Variants in EXOC4 observed in about 807,000 individuals in gnomAD.
EXOC4 encodes exocyst complex component 4.
Under a neutral mutation model 107.2 loss-of-function variants are expected in EXOC4, and 71 were observed. That is an observed-to-expected ratio of 0.66 (90% CI 0.55 to 0.81). The LOEUF (loss-of-function observed/expected upper bound fraction) is 0.81. Ranked by LOEUF, EXOC4 falls within the 30% of genes least tolerant of loss-of-function variation. The probability of loss-of-function intolerance (pLI) is 0.00; values close to 1 mark genes in which losing one functional copy is unlikely to be tolerated. For missense variants in EXOC4, 1,108 were observed against 1,189.6 expected, an observed-to-expected ratio of 0.93 and a Z score of 1.01; for synonymous variants, 456 against 441.2, an observed-to-expected ratio of 1.03 and a Z score of -0.42.
At chr7:133,368,043 AC>A (rs1198036147) in intron 6 of EXOC4, among the ~76,000 whole-genome samples, 2 of 151,946 alleles carry the variant, frequency 1.3e-5, no homozygotes, top group African/African-American at 4.8e-5. Flanking sequence ...TCATTCTTTT[AC>A]TCATGAACTC....
intron 14 of EXOC4, among the ~76,000 whole-genome samples, chr7:133,945,406 G>A (rs1800526803): frequency 6.6e-6 from 1 of 152,186 alleles, no homozygotes; most frequent in African/African-American, 2.4e-5. Flanking sequence ...TGGAGCTTGA[G>A]ATTAACGTGA....
chr7:133,941,258 A>G (rs575631910), intron 14 of EXOC4, among the ~76,000 whole-genome samples: 6 of 152,094 alleles, frequency 3.9e-5, no homozygotes, highest in African/African-American at 1.2e-4. Context: ...CGGCCTCCCA[A>G]AGTGCTGGGA....
At chr7:133,591,567 T>C (rs759834413) in intron 9 of EXOC4, among the ~76,000 whole-genome samples, 56 of 13,102 alleles carry the variant, frequency 4.3e-3, no homozygotes, top group African/African-American at 5.7e-3. Flanking sequence ...TGTGTGTGTG[T>C]GCGTGTGTGT....
intron 12 of EXOC4, 137 bp from the exon 13 acceptor site, chr7:133,917,446 C>G (rs1799834394): frequency 2.5e-6 from 2 of 787,614 alleles, no homozygotes; most frequent in Non-Finnish European, 4.0e-6. Context: ...GTATCATGGA[C>G]TCCAACTTAG....
chr7:133,484,310 CTTCAAAAT>C, intron 9 of EXOC4: 1 of 708,632 alleles, frequency 1.4e-6, no homozygotes, highest in Non-Finnish European at 2.1e-6. Context: ...GTGGGTGCTG[CTTCAAAAT>C]GTGTGAGATA....
chr7:133,706,717 G>A (rs1235012214), intron 10 of EXOC4, among the ~76,000 whole-genome samples: 1 of 152,010 alleles, frequency 6.6e-6, no homozygotes, highest in East Asian at 1.9e-4. Context: ...TTTATACTTA[G>A]AGCACACCTC....
intron 5 of EXOC4, among the ~76,000 whole-genome samples, chr7:133,338,579 G>C (rs1478381957): frequency 8.9e-6 from 1 of 112,234 alleles, no homozygotes; most frequent in East Asian, 2.9e-4. Context: ...CGACCTGGGC[G>C]CCAGAGCGAG....
chr7:133,396,385 A>T (rs1204132646), intron 7 of EXOC4: 2 of 152,190 alleles, frequency 1.3e-5, no homozygotes, highest in Non-Finnish European at 2.9e-5. Context: ...TTCCGTTCAG[A>T]TGATGACACT....
At chr7:133,722,297 T>C (rs1795121660) in intron 10 of EXOC4, among the ~76,000 whole-genome samples, 2 of 152,330 alleles carry the variant, frequency 1.3e-5, no homozygotes, top group South Asian at 2.1e-4. Context: ...AAAACTGGTA[T>C]CTCTGGCCAC....
chr7:133,955,870 T>C (rs1224654057), intron 14 of EXOC4, among the ~76,000 whole-genome samples: 2 of 152,256 alleles, frequency 1.3e-5, no homozygotes, highest in African/African-American at 4.8e-5. Context: ...AACTTTGCTC[T>C]GAGATCAGAG....
At chr7:134,029,937 A>T (rs1285349718) in intron 17 of EXOC4, among the ~76,000 whole-genome samples, 1 of 152,220 alleles carries the variant, frequency 6.6e-6, no homozygotes, top group Non-Finnish European at 1.5e-5. Context: ...CAAGCATATG[A>T]TTTAAACTGT....
intron 7 of EXOC4, among the ~76,000 whole-genome samples, chr7:133,466,239 G>GA (rs1187760460): frequency 1.3e-5 from 2 of 151,478 alleles, no homozygotes; most frequent in African/African-American, 2.4e-5. Context: ...ATAACTGTAG[G>GA]AAAAAAAAGT....
chr7:134,034,455 G>A (rs576971748), intron 17 of EXOC4, among the ~76,000 whole-genome samples: 2 of 152,330 alleles, frequency 1.3e-5, no homozygotes, highest in Admixed American at 1.3e-4. Context: ...ATCTGTACAT[G>A]TCAAGGGAGA....
intron 8 of EXOC4, among the ~76,000 whole-genome samples, chr7:133,477,356 A>C (rs973915454): frequency 6.6e-6 from 1 of 152,074 alleles, no homozygotes; most frequent in African/African-American, 2.4e-5. Flanking sequence ...TGATCTTTTG[A>C]CTATCTCCAT....
In EXOC4 at chr7:133,773,731, C is replaced by T. The variant is rs188906710; in HGVS notation, c.1515-43594C>T. On this transcript the variant is annotated intron_variant, in intron 10 of 17. Transcript: ENST00000253861. ...ACTTCTTTCCTTGCACTTATGTACT[C>T]ATTCATGCACAAAGCTATCCAGCAC... Among the ~76,000 whole-genome samples the T allele has an allele frequency of 1.9e-4, 29 of 152,074 alleles. 1 individual carries two copies. The highest frequency in any genetic ancestry group is 1.9e-3 in the Admixed American group (29 of 15,244).
chr7:133,638,461 A>G (rs984475652), intron 10 of EXOC4, among the ~76,000 whole-genome samples: 1 of 152,116 alleles, frequency 6.6e-6, no homozygotes, highest in African/African-American at 2.4e-5. Flanking sequence ...ACTTCAGCTT[A>G]ATGCTGATGA....
chr7:133,374,812 T>C lies in EXOC4; in HGVS notation c.1008-16T>C, dbSNP rs754549529. On this transcript the variant is annotated splice_polypyrimidine_tract_variant and intron_variant, in intron 6 of 17. Transcript: ENST00000253861. ...GTACGTATGTGTAAATGTTATTTAT[T>C]TGTTTATGCCACTAGGTTGCTTCTA... 3 of 1,602,416 alleles carry C rather than the reference T, an allele frequency of 1.9e-6. No individual in the cohort carries two copies. Among genetic ancestry groups the C allele is most frequent in the African/African-American group, 2.7e-5 (2 of 74,650 alleles).
intron 17 of EXOC4, among the ~76,000 whole-genome samples, chr7:134,034,229 G>T (rs1795336167): frequency 6.6e-6 from 1 of 152,012 alleles, no homozygotes; most frequent in African/African-American, 2.4e-5. Flanking sequence ...ATGATGGAGA[G>T]GTTGAAAAAG....
chr7:133,928,113 A>G (rs1225735648), intron 13 of EXOC4, among the ~76,000 whole-genome samples: 3 of 152,228 alleles, frequency 2.0e-5, no homozygotes, highest in Non-Finnish European at 4.4e-5. Context: ...AATTTTAGAT[A>G]TAATTATTTA....
Sources: gnomAD v4.1 joint callset for allele counts (sites outside exome capture counted in the v4.1 genomes callset) on GRCh38, gnomAD v4.1.1 for gene constraint, MANE v1.5 for transcripts, NCBI Gene and HGNC (gene_info 2026-07-23, HGNC 2026-07-21) for gene names.